The following POT1 variants were observed in gnomAD, a reference collection of about 807,000 sequenced individuals.
The protein encoded by POT1 is protection of telomeres protein 1.
In POT1, 47 loss-of-function variants were observed where a neutral mutation model predicts 78.5. The observed-to-expected ratio is 0.60, with a 90% CI of 0.47 to 0.76. The LOEUF (loss-of-function observed/expected upper bound fraction) is 0.76, where lower values mean the gene tolerates loss of function less well. Among genes scored for constraint, POT1 ranks in the 30% least tolerant of loss-of-function variants. POT1 has a pLI of 0.00. For synonymous variants in POT1, 259 were observed against 260.7 expected (o/e 0.99, Z 0.06); for missense variants, 646 against 749.9 (o/e 0.86, Z 1.62).
At chr7:124,920,968 G>A (rs1176286575) in intron 2 of POT1, among the ~76,000 whole-genome samples, 1 of 151,958 alleles carries the variant, frequency 6.6e-6, no homozygotes, top group Non-Finnish European at 1.5e-5. Flanking sequence ...GTGGTGGCAT[G>A]TGCCTATAAT....
At chr7:124,860,230 T>C (rs1455904144) in intron 8 of POT1, among the ~76,000 whole-genome samples, 6 of 152,224 alleles carry the variant, frequency 3.9e-5, no homozygotes, top group Admixed American at 1.3e-4. Context: ...TATGTACATA[T>C]ACATTTTTAG....
intron 16 of POT1, among the ~76,000 whole-genome samples, chr7:124,827,643 A>C (rs944239323): frequency 6.6e-6 from 1 of 152,164 alleles, no homozygotes; most frequent in Non-Finnish European, 1.5e-5. Flanking sequence ...AATTAAGCTC[A>C]TTTAGCAGAT....
At position 124,902,576 on chromosome 7, in the gene POT1, A is replaced by G. The variant is rs1050540542; in HGVS notation, c.-153-4202T>C. On this transcript the variant is annotated intron_variant, in intron 3 of 18. Transcript: ENST00000357628. The stretch of plus-strand genomic sequence containing the variant: ...GTACCAGCCAATGCAAAAACATGCC[A>G]AATTGTAAAGACCATTGAGGCTAGG... Among the ~76,000 whole-genome samples, 5 of 152,232 alleles carry G rather than the reference A, an allele frequency of 3.3e-5. No homozygotes were observed. The East Asian group carries it at 9.6e-4, about 29-fold the overall frequency.
intron 12 of POT1, among the ~76,000 whole-genome samples, chr7:124,845,741 C>G (rs1417015276): frequency 2.6e-5 from 4 of 151,546 alleles, no homozygotes; most frequent in South Asian, 2.1e-4. Flanking sequence ...TTTCATTATC[C>G]CTTTTATATT....
At chr7:124,925,542 T>C (rs1293115425) in intron 2 of POT1, among the ~76,000 whole-genome samples, 4 of 152,002 alleles carry the variant, frequency 2.6e-5, no homozygotes, top group Admixed American at 6.6e-5. Context: ...TTCCCAAAGC[T>C]ACAGATTCAA....
chr7:124,870,890 T>G, intron 7 of POT1, 21 bp downstream of exon 7: 1 of 1,586,708 alleles, frequency 6.3e-7, no homozygotes, highest in Non-Finnish European at 8.6e-7. Context: ...AAATATAAGT[T>G]CTAGACAATA....
intron 9 of POT1, 120 bp from the exon 10 acceptor site, chr7:124,853,258 A>G (rs1795361665): frequency 4.3e-6 from 3 of 704,576 alleles, no homozygotes; most frequent in Non-Finnish European, 7.0e-6. Flanking sequence ...GAAATATACT[A>G]AAGTATCTGC....
intron 12 of POT1, 129 bp from the exon 13 acceptor site, chr7:124,843,092 A>T (rs1284475120): frequency 3.0e-6 from 2 of 676,308 alleles, no homozygotes; most frequent in Non-Finnish European, 4.5e-6. Flanking sequence ...CATGAAAGGA[A>T]GGGTTATGTC....
chr7:124,835,387 A>T lies in POT1; in HGVS notation c.1397T>A (p.Leu466His). 1 of 1,613,626 alleles carries T rather than the reference A, an allele frequency of 6.2e-7. No homozygotes were observed. ...AATTACACTATTAAACTTGTTCGAG[A>T]GTTTGCAAATTTCACTGAGTGTACC... The part of the protein sequence containing the change: ...EGGTLSEICK[L>H]SNKFNSVIPV... The change falls in exon 15 of 19, where the codon CTC (leucine) becomes CAC (histidine). Residue 466 changes from leucine (L) to histidine (H), a missense_variant. Physicochemically the swap from Leu to His is moderately conservative, Grantham distance 99. Transcript: ENST00000357628.
In POT1 at chr7:124,835,292, T is replaced by C. The variant is rs367607560; in HGVS notation, c.1492A>G (p.Ile498Val). ...LSAPFLIQGT[I>V]HHYGCKQCSS... Reference sequence around the variant, plus strand: ...AAAACAAAATACCCATAGTGATGTATTGTTCCTTGTATAAGAAATGGTGCT... The same window carrying C: ...AAAACAAAATACCCATAGTGATGTACTGTTCCTTGTATAAGAAATGGTGCT... Residue 498 changes from isoleucine (I) to valine (V), a missense_variant, in exon 15 of 19, where the codon ATA becomes GTA. By Grantham distance (29) the Ile-to-Val change is conservative. Coordinates refer to ENST00000357628, the MANE Select transcript of POT1 (RefSeq NM_015450.3). 16 of 1,613,810 alleles carry C rather than the reference T, an allele frequency of 9.9e-6. No individual in the cohort carries two copies. The highest frequency in any genetic ancestry group is 1.6e-4 in the Middle Eastern group (1 of 6,082).
chr7:124,840,282 A>C (rs1192772466), intron 14 of POT1, among the ~76,000 whole-genome samples: 1 of 152,062 alleles, frequency 6.6e-6, no homozygotes, highest in Non-Finnish European at 1.5e-5. Flanking sequence ...CAAGGGAAGA[A>C]AAGCCTTCAG....
rs187503094 is a variant in POT1, at chr7:124,854,415, G to A, written c.703-1277C>T. ...GAATTCTGGACTTTTAGATTATGGA[G>A]GCTCAATCCTATAAAAGGAAACGTT... is the stretch of plus-strand genomic sequence containing the variant. On this transcript the variant is annotated intron_variant, in intron 9 of 18. Transcript: ENST00000357628. Among the ~76,000 whole-genome samples the A allele has an allele frequency of 1.2e-3, 177 of 151,770 alleles. 1 individual carries two copies. Among genetic ancestry groups the A allele is most frequent in the African/African-American group, 3.9e-3 (161 of 41,404 alleles).
Position 124,851,900 on chromosome 7 carries a change from A to C in POT1, c.921T>G (p.Cys307Trp). 6.2e-7 allele frequency: 1 copy of C among 1,611,362 alleles called. No individual in the cohort carries two copies. Among genetic ancestry groups the C allele is most frequent in the East Asian group, 2.2e-5 (1 of 44,724 alleles). ...GAAAGCTGTCGTCAGGTTCTGATTG[A>C]CAGATAACATCTGAATGCTGATTGG... ...LTANQHSDVI[C>W]QSEPDDSFPS... Residue 307 changes from cysteine (C) to tryptophan (W), a missense_variant, in exon 11 of 19, where the codon TGT (cysteine) becomes TGG (tryptophan). By Grantham distance (215) the Cys-to-Trp change is radical. Coordinates refer to ENST00000357628, the MANE Select transcript of POT1 (RefSeq NM_015450.3).
intron 3 of POT1, among the ~76,000 whole-genome samples, chr7:124,911,128 T>C (rs867777041): frequency 2.6e-5 from 4 of 152,110 alleles, no homozygotes; most frequent in South Asian, 2.1e-4. Flanking sequence ...AATTTAGAAA[T>C]GTCATCTCAA....
chr7:124,850,705 C>G (rs1472231532), intron 11 of POT1, among the ~76,000 whole-genome samples: 6 of 151,666 alleles, frequency 4.0e-5, no homozygotes, highest in Non-Finnish European at 7.4e-5. Context: ...ACACTCCAGC[C>G]TGGGAGACAG....
chr7:124,882,654 C>G (rs927653902), intron 6 of POT1, among the ~76,000 whole-genome samples: 1 of 151,514 alleles, frequency 6.6e-6, no homozygotes, highest in Admixed American at 6.6e-5. Context: ...GAGAAAAAGT[C>G]TTTTAACTGA....
intron 7 of POT1, among the ~76,000 whole-genome samples, chr7:124,867,341 A>T (rs939134745): frequency 1.3e-5 from 2 of 152,132 alleles, no homozygotes; most frequent in East Asian, 3.9e-4. Context: ...CAATAATTTC[A>T]TGTTCACATT....
chr7:124,927,070 C>T (rs1797292845), intron 2 of POT1, among the ~76,000 whole-genome samples: 1 of 152,060 alleles, frequency 6.6e-6, no homozygotes, highest in Admixed American at 6.5e-5. Flanking sequence ...TTTCCCACAC[C>T]TATTTACAAA....
At chr7:124,872,916 G>A (rs994502538) in intron 6 of POT1, among the ~76,000 whole-genome samples, 1 of 152,160 alleles carries the variant, frequency 6.6e-6, no homozygotes, top group African/African-American at 2.4e-5. Context: ...ATATCTTGTT[G>A]TGGTTTTAAT....
Sources: gnomAD v4.1 joint callset for allele counts (sites outside exome capture counted in the v4.1 genomes callset) on GRCh38, gnomAD v4.1.1 for gene constraint, MANE v1.5 for transcripts, NCBI Gene and HGNC (gene_info 2026-07-23, HGNC 2026-07-21) for gene names.